The following TMED3 variants were observed in gnomAD, a reference collection of about 807,000 sequenced individuals.
TMED3 encodes transmembrane p24 trafficking protein 3.
In TMED3, 9 loss-of-function variants were observed where a neutral mutation model predicts 15.0. The ratio of observed to expected loss-of-function variants is 0.60; its 90% CI spans 0.36 to 1.04. The LOEUF (loss-of-function observed/expected upper bound fraction) is 1.04, where lower values mean the gene tolerates loss of function less well. Among genes scored for constraint, TMED3 ranks in the 50% least tolerant of loss-of-function variants. TMED3 has a pLI of 0.01. For missense variants in TMED3, 267 were observed against 278.9 expected (o/e 0.96, Z 0.30); for synonymous variants, 117 against 121.4 (o/e 0.96, Z 0.24).
chr15:79,366,526 A>C (rs536855234), intron 2 of TMED3, among the ~76,000 whole-genome samples: 27 of 152,328 alleles, frequency 1.8e-4, no homozygotes, highest in African/African-American at 5.1e-4. Context: ...CTTGCTAATC[A>C]AATTGCTCCC....
chr15:79,353,010 A>T (rs2058898675), intron 2 of TMED3, among the ~76,000 whole-genome samples: 2 of 110,606 alleles, frequency 1.8e-5, no homozygotes, highest in South Asian at 4.7e-4. Flanking sequence ...TAAAATATAT[A>T]TTATATAAAA....
chr15:79,347,852 A>G (rs1397255147), intron 2 of TMED3, among the ~76,000 whole-genome samples: 1 of 152,210 alleles, frequency 6.6e-6, no homozygotes, highest in East Asian at 1.9e-4. Flanking sequence ...TACAAGGATA[A>G]CTACAAAACA....
At chr15:79,372,585 G>C (rs575439220) in intron 2 of TMED3, among the ~76,000 whole-genome samples, 27 of 152,332 alleles carry the variant, frequency 1.8e-4, no homozygotes, top group African/African-American at 5.1e-4. Flanking sequence ...GCAGGCAGGA[G>C]AACATGCACA....
At chr15:79,382,349 A>AC (rs1191966230) in intron 2 of TMED3, among the ~76,000 whole-genome samples, 2 of 152,108 alleles carry the variant, frequency 1.3e-5, no homozygotes, top group East Asian at 3.9e-4. Context: ...AGCTGGCTGG[A>AC]CCCCCAGACT....
intron 2 of TMED3, among the ~76,000 whole-genome samples, chr15:79,377,848 G>T (rs374023542): frequency 2.6e-4 from 40 of 151,934 alleles, no homozygotes; most frequent in African/African-American, 9.4e-4. Context: ...GGGTTTCACC[G>T]TGTTAGCCAG....
At chr15:79,369,251 T>G (rs1293850005) in intron 2 of TMED3, among the ~76,000 whole-genome samples, 1 of 152,180 alleles carries the variant, frequency 6.6e-6, no homozygotes, top group Non-Finnish European at 1.5e-5. Flanking sequence ...ACTAGGAAAC[T>G]CACCCACCAG....
At chr15:79,326,665 A>G (rs148384776), downstream of TMED3, among the ~76,000 whole-genome samples, 112 of 152,328 alleles carry the variant, frequency 7.4e-4, no homozygotes, top group African/African-American at 2.6e-3. Flanking sequence ...TATAGACAGA[A>G]TATTCTGTTT....
Position 79,397,829 on chromosome 15 carries a change from A to T in TMED3, c.418-13571A>T, listed in dbSNP as rs139882158. ...CAGGGTATAGTTTTTAATAGAGCCAATTTTTTAGAGCAGTTTTAGGTTCAT... is the reference window on the plus strand; with the variant it reads ...CAGGGTATAGTTTTTAATAGAGCCATTTTTTTAGAGCAGTTTTAGGTTCAT... On this transcript the variant is annotated intron_variant, in intron 2 of 2. Coordinates refer to the TMED3 transcript ENST00000424155. Among the ~76,000 whole-genome samples, 392 of 152,292 alleles carry T rather than the reference A, an allele frequency of 2.6e-3. 2 individuals are homozygous for T. The highest frequency in any genetic ancestry group is 3.9e-3 in the Non-Finnish European group (266 of 68,024).
At chr15:79,323,059 G>A (rs112515696), downstream of TMED3, among the ~76,000 whole-genome samples, 1 of 152,264 alleles carries the variant, frequency 6.6e-6, no homozygotes, top group African/African-American at 2.4e-5. Flanking sequence ...GTTGTACAAC[G>A]GAACTTTGCA....
chr15:79,320,148 C>A (rs1477804430), intron 2 of TMED3, among the ~76,000 whole-genome samples: 1 of 152,202 alleles, frequency 6.6e-6, no homozygotes, highest in Non-Finnish European at 1.5e-5. Flanking sequence ...TGGCAATGGG[C>A]GTCTTCCCAG....
chr15:79,363,988 C>T (rs984263433), intron 2 of TMED3, among the ~76,000 whole-genome samples: 2 of 152,166 alleles, frequency 1.3e-5, no homozygotes, highest in African/African-American at 4.8e-5. Flanking sequence ...CAATATAATG[C>T]AGGATTTTTG....
chr15:79,370,599 T>C (rs1241929015), intron 2 of TMED3, among the ~76,000 whole-genome samples: 3 of 152,230 alleles, frequency 2.0e-5, no homozygotes, highest in Non-Finnish European at 4.4e-5. Context: ...ATTGATAATG[T>C]CTCTTCATAA....
intron 2 of TMED3, among the ~76,000 whole-genome samples, chr15:79,366,729 A>G (rs929183280): frequency 6.6e-6 from 1 of 152,202 alleles, no homozygotes; most frequent in Non-Finnish European, 1.5e-5. Context: ...GGTGGCAGCT[A>G]CTTGAATGTT....
chr15:79,411,186 T>C (rs1254338876), intron 2 of TMED3, among the ~76,000 whole-genome samples: 1 of 152,204 alleles, frequency 6.6e-6, no homozygotes, highest in Non-Finnish European at 1.5e-5. Context: ...TCAATTTATC[T>C]TGTGGTTCCC....
At chr15:79,390,400 T>C (rs1173203622) in intron 2 of TMED3, among the ~76,000 whole-genome samples, 1 of 152,224 alleles carries the variant, frequency 6.6e-6, no homozygotes, top group Non-Finnish European at 1.5e-5. Context: ...ATTTATTGAC[T>C]TGCGTATGTT....
intron 2 of TMED3, among the ~76,000 whole-genome samples, chr15:79,377,293 TGTGTGAGA>T (rs1356724395): frequency 8.0e-5 from 12 of 149,258 alleles, no homozygotes; most frequent in East Asian, 7.8e-4. Context: ...TGTGTGTGTG[TGTGTGAGA>T]GAGAGAGAGA....
downstream of TMED3, among the ~76,000 whole-genome samples, chr15:79,325,058 G>C (rs1161184841): frequency 2.0e-5 from 3 of 152,158 alleles, no homozygotes; most frequent in East Asian, 5.8e-4. Flanking sequence ...CTGACAGGTG[G>C]AGTTTGAAGG....
intron 2 of TMED3, among the ~76,000 whole-genome samples, chr15:79,397,720 T>A (rs1893778786): frequency 1.3e-5 from 2 of 152,234 alleles, no homozygotes; most frequent in South Asian, 4.1e-4. Context: ...TACATATGCA[T>A]TTTTGCATTT....
intron 2 of TMED3, among the ~76,000 whole-genome samples, chr15:79,367,119 C>T (rs1051573741): frequency 9.2e-5 from 14 of 152,224 alleles, no homozygotes; most frequent in South Asian, 4.2e-4. Flanking sequence ...TTCTTCTTTC[C>T]GGGTGAAGGA....
Sources: allele counts gnomAD v4.1 joint callset (sites outside exome capture counted in the v4.1 genomes callset), GRCh38; gene constraint gnomAD v4.1.1; transcripts MANE v1.5; gene names NCBI Gene and HGNC (gene_info 2026-07-23, HGNC 2026-07-21).